ARB2A: variants seen among roughly 807,000 people sequenced by gnomAD.
The protein encoded by ARB2A is ARB2 cotranscriptional regulator A, also known as cotranscriptional regulator ARB2A.
At chr5:93,999,711 A>G in the ARB2A span, among the ~76,000 whole-genome samples, 1 of 151,996 alleles carries the variant, frequency 6.6e-6, no homozygotes, top group African/African-American at 2.4e-5. Flanking sequence ...CTTAGGGTTC[A>G]ATCTTGGTGC....
the ARB2A span, among the ~76,000 whole-genome samples, chr5:93,859,582 C>T: frequency 6.6e-6 from 1 of 152,178 alleles, no homozygotes; most frequent in East Asian, 1.9e-4. Context: ...GGAAGAGTGA[C>T]TTGCAATATG....
the ARB2A span, among the ~76,000 whole-genome samples, chr5:94,063,757 GAAA>G: frequency 1.1e-4 from 16 of 151,958 alleles, no homozygotes; most frequent in African/African-American, 3.9e-4. Context: ...GTTTACAGCT[GAAA>G]AAAATCATAC....
At chr5:93,729,687 A>G in the ARB2A span, among the ~76,000 whole-genome samples, 1 of 152,184 alleles carries the variant, frequency 6.6e-6, no homozygotes, top group Non-Finnish European at 1.5e-5. Flanking sequence ...TAATATTTGC[A>G]GGAAAATTAG....
chr5:93,771,374 C>T, the ARB2A span, among the ~76,000 whole-genome samples: 1 of 151,492 alleles, frequency 6.6e-6, no homozygotes, highest in Non-Finnish European at 1.5e-5. Context: ...CTAGGCAATA[C>T]CATTCAGGAC....
the ARB2A span, among the ~76,000 whole-genome samples, chr5:94,092,579 TATA>T: frequency 6.6e-6 from 1 of 152,366 alleles, no homozygotes; most frequent in South Asian, 2.1e-4. Flanking sequence ...TGTAAATTTC[TATA>T]ATGTTATTCC....
At chr5:93,891,368 T>C in the ARB2A span, among the ~76,000 whole-genome samples, 3 of 152,072 alleles carry the variant, frequency 2.0e-5, no homozygotes, top group African/African-American at 2.4e-5. Context: ...TGTAAAAATA[T>C]ATTATTTCAA....
the ARB2A span, chr5:93,733,761 G>C: frequency 4.2e-4 from 64 of 152,090 alleles, no homozygotes; most frequent in Non-Finnish European, 4.4e-5. Flanking sequence ...TTTCAGTTTA[G>C]AATCACTTTG....
At chr5:93,898,069 C>G in the ARB2A span, among the ~76,000 whole-genome samples, 2 of 151,898 alleles carry the variant, frequency 1.3e-5, no homozygotes, top group African/African-American at 4.8e-5. Context: ...GAATCTATGT[C>G]CTCCAAAGAT....
Sources: gnomAD v4.1 joint callset for allele counts (sites outside exome capture counted in the v4.1 genomes callset) on GRCh38, gnomAD v4.1.1 for gene constraint, MANE v1.5 for transcripts, NCBI Gene and HGNC (gene_info 2026-07-23, HGNC 2026-07-21) for gene names.